IMPA1: variants seen among roughly 807,000 people sequenced by gnomAD.
The protein encoded by IMPA1 is D-galactose 1-phosphate phosphatase.
IMPA1 carries 21 observed loss-of-function variants against 34.9 expected under a neutral mutation model. That is an observed-to-expected ratio of 0.60 (90% CI 0.43 to 0.87). The LOEUF (loss-of-function observed/expected upper bound fraction) is 0.87. Among genes scored for constraint, IMPA1 ranks in the 40% least tolerant of loss-of-function variants. The probability of loss-of-function intolerance (pLI) is 0.00; values close to 1 mark genes in which losing one functional copy is unlikely to be tolerated. For synonymous variants in IMPA1, 95 were observed against 104.4 expected (o/e 0.91, Z 0.55); for missense variants, 299 against 336.4 (o/e 0.89, Z 0.87).
chr8:81,667,961 C>A (rs1563583103), intron 7 of IMPA1, among the ~76,000 whole-genome samples: 2 of 151,788 alleles, frequency 1.3e-5, no homozygotes, highest in African/African-American at 4.8e-5. Context: ...GTAGCTGGGA[C>A]TACAAGCGCC....
rs148501166 is a variant in IMPA1 at position 81,657,894 on chromosome 8, A to G, written c.*1457T>C. On this transcript the variant is annotated 3_prime_UTR_variant, in exon 9 of 9. Coordinates refer to ENST00000256108, the MANE Select transcript of IMPA1 (RefSeq NM_005536.4). ...CAGTCAGAGACAGACCCTGGGCAACAGAGCGAGACCCTGAATCTAAAAATA... is the reference window on the plus strand; with the variant it reads ...CAGTCAGAGACAGACCCTGGGCAACGGAGCGAGACCCTGAATCTAAAAATA... 1 of 152,280 alleles carries G rather than the reference A, an allele frequency of 6.6e-6. No homozygotes were observed. The highest frequency in any genetic ancestry group is 1.5e-5 in the Non-Finnish European group (1 of 68,024). 9.4% of individuals were successfully genotyped at this position (152,280 alleles called of 1,614,324 possible).
chr8:81,676,239 T>C lies in IMPA1; in HGVS notation c.343A>G (p.Lys115Glu), dbSNP rs761292046. 1.5e-6 allele frequency: 2 copies of C among 1,347,338 alleles called. No homozygotes were observed. The highest frequency in any genetic ancestry group is 1.0e-6 in the Non-Finnish European group (1 of 986,034). The allele number at this position is 1,347,338 out of a possible 1,614,324, so 83.5% of individuals were successfully genotyped here. A position where few individuals can be genotyped will look rare whatever the true frequency, so the allele number is the denominator to read the frequency against. Residue 115 changes from lysine (K) to glutamate (E), a missense_variant, in exon 5 of 9, where the codon AAA (lysine) becomes GAA (glutamate). Lys to Glu is a moderately conservative substitution (Grantham distance 56, BLOSUM62 1). Transcript: ENST00000256108. Reference protein sequence around the residue: ...VAVSIGFAVNKKIEFGVVYSC... With the variant: ...VAVSIGFAVNEKIEFGVVYSC... ...ATACGTTTAAAAAATCATACCTTTTTATTTACAGCAAAGCCAATTGAAACA... is the reference window on the plus strand; with the variant it reads ...ATACGTTTAAAAAATCATACCTTTTCATTTACAGCAAAGCCAATTGAAACA...
intron 1 of IMPA1, among the ~76,000 whole-genome samples, chr8:81,685,073 T>C (rs1197568544): frequency 1.5e-5 from 2 of 133,706 alleles, no homozygotes; most frequent in East Asian, 2.1e-4. Flanking sequence ...TATTTAGATA[T>C]ATATACTATA....
chr8:81,684,856 A>G (rs1010996564), intron 1 of IMPA1, among the ~76,000 whole-genome samples: 1 of 138,032 alleles, frequency 7.2e-6, no homozygotes, highest in Non-Finnish European at 1.5e-5. Context: ...TATATATACT[A>G]TACATAAGTA....
At chr8:81,677,165 A>G (rs181011845) in intron 4 of IMPA1, among the ~76,000 whole-genome samples, 4,003 of 151,658 alleles carry the variant, frequency 0.026, 88 homozygotes, top group East Asian at 0.087. Context: ...GCACGATCTC[A>G]GCCCACTGCA....
chr8:81,676,033 C>A (rs1006772195), intron 5 of IMPA1, among the ~76,000 whole-genome samples: 1 of 152,196 alleles, frequency 6.6e-6, no homozygotes, highest in Non-Finnish European at 1.5e-5. Flanking sequence ...TCTTACAACT[C>A]CTGCTTCTCA....
At chr8:81,682,133 G>A (rs1807318408) in intron 1 of IMPA1, among the ~76,000 whole-genome samples, 1 of 151,812 alleles carries the variant, frequency 6.6e-6, no homozygotes, top group Admixed American at 6.6e-5. Context: ...ATAACATTCT[G>A]AGAAAAGAAA....
At chr8:81,685,753 G>A (rs1170594762) in intron 1 of IMPA1, 8 of 1,504,950 alleles carry the variant, frequency 5.3e-6, no homozygotes, top group Non-Finnish European at 7.1e-6. Context: ...AGGGTCCGTA[G>A]TTTACTCACT....
intron 8 of IMPA1, among the ~76,000 whole-genome samples, chr8:81,660,156 T>A (rs1275537382): frequency 6.6e-6 from 1 of 152,226 alleles, no homozygotes; most frequent in African/African-American, 2.4e-5. Flanking sequence ...AAACTCATTA[T>A]GTTTTAAGAA....
At chr8:81,677,257 G>A (rs867811091) in intron 4 of IMPA1, among the ~76,000 whole-genome samples, 4 of 152,028 alleles carry the variant, frequency 2.6e-5, no homozygotes, top group African/African-American at 9.7e-5. Context: ...CACCATACCC[G>A]GCTAATTTTG....
chr8:81,671,831 A>C (rs545187486), intron 6 of IMPA1, among the ~76,000 whole-genome samples: 1 of 152,236 alleles, frequency 6.6e-6, no homozygotes, highest in South Asian at 2.1e-4. Context: ...CGGGAGGCGG[A>C]GGTTGCAGTG....
Position 81,659,110 on chromosome 8 carries a change from G to T in IMPA1, c.*241C>A. Reference sequence around the variant, plus strand: ...TCAGTTGATGTTATATTTATCAACTGTACTTCCTGGGTATGTTTCCTAAAG... The same window carrying T: ...TCAGTTGATGTTATATTTATCAACTTTACTTCCTGGGTATGTTTCCTAAAG... On this transcript the variant is annotated 3_prime_UTR_variant, in exon 9 of 9. Coordinates refer to ENST00000256108, the MANE Select transcript of IMPA1 (RefSeq NM_005536.4). 2.0e-6 allele frequency: 1 copy of T among 493,174 alleles called. No individual in the cohort carries two copies. The highest frequency in any genetic ancestry group is 3.6e-6 in the Non-Finnish European group (1 of 279,034). The allele number at this position is 493,174 out of a possible 1,614,324, so 30.5% of individuals were successfully genotyped here.
rs114960005 is a variant in IMPA1, at chr8:81,676,845, T to C, written c.303-566A>G. The stretch of plus-strand genomic sequence containing the variant: ...TTCTACAAAAAAAAAGTCACGAAAT[T>C]ATCTGAGTGTGGCGGTGCACGCCTA... On this transcript the variant is annotated intron_variant, in intron 4 of 8. Transcript: ENST00000256108. Among the ~76,000 whole-genome samples the C allele has an allele frequency of 8.5e-3, 1,290 of 151,938 alleles. 18 individuals carry two copies. Among genetic ancestry groups the C allele is most frequent in the African/African-American group, 0.029 (1,219 of 41,438 alleles).
chr8:81,680,982 A>C (rs553835226), intron 2 of IMPA1, among the ~76,000 whole-genome samples, 199 bp from the exon 3 acceptor site: 2 of 152,352 alleles, frequency 1.3e-5, no homozygotes, highest in East Asian at 3.9e-4. Context: ...ATAATCTTAC[A>C]TCTTATTTTA....
chr8:81,686,273 C>A lies in IMPA1; in HGVS notation c.-46G>T, dbSNP rs1807523878. On this transcript the variant is annotated 5_prime_UTR_variant, in exon 1 of 9. Transcript: ENST00000256108. ...TCACCTTGAGTCGGAGGACGTCCGG[C>A]TAGCTCTGTGAACGGTGTTACCGCA... is the stretch of plus-strand genomic sequence containing the variant. The A allele has an allele frequency of 2.0e-6, 2 of 999,746 alleles. No individual in the cohort carries two copies. The highest frequency in any genetic ancestry group is 8.5e-5 in the South Asian group (2 of 23,530). 61.9% of individuals were successfully genotyped at this position (999,746 alleles called of 1,614,324 possible). A position where few individuals can be genotyped will look rare whatever the true frequency, so the allele number is the denominator to read the frequency against.
intron 1 of IMPA1, 144 bp downstream of exon 1, chr8:81,686,108 A>T (rs1252338750): frequency 4.8e-6 from 4 of 835,292 alleles, no homozygotes; most frequent in Admixed American, 8.6e-5. Context: ...CGCAGCAGGC[A>T]GGGGTCACCC....
rs745791755 is a variant in IMPA1, at chr8:81,673,875, A to T, written c.423T>A (p.Cys141Ter). 1 of 1,612,762 alleles carries T rather than the reference A, an allele frequency of 6.2e-7. No homozygotes were observed. The highest frequency in any genetic ancestry group is 8.5e-7 in the Non-Finnish European group (1 of 1,178,854). Residue 141 changes from cysteine to a stop codon, truncating the protein, a stop_gained, in exon 6 of 9, where the codon TGT (cysteine) becomes TGA (stop). Coordinates refer to ENST00000256108, the MANE Select transcript of IMPA1 (RefSeq NM_005536.4). LOFTEE classifies it high-confidence loss of function. ...YTARKGKGAFCNGQKLQVSQQ... is the reference protein window; with the variant it reads ...YTARKGKGAF ...GTGAAACTTGTAGTTTTTGACCATT[A>T]CAAAAGGCACCTTTTCCTTTTCTGG...
intron 7 of IMPA1, among the ~76,000 whole-genome samples, chr8:81,667,627 G>A (rs953110479): frequency 2.6e-5 from 4 of 152,124 alleles, no homozygotes; most frequent in African/African-American, 9.7e-5. Flanking sequence ...GGGCTTAGAA[G>A]ACAAGGCCAG....
chr8:81,685,361 A>T (rs1280850976), intron 1 of IMPA1, among the ~76,000 whole-genome samples: 1 of 137,898 alleles, frequency 7.3e-6, no homozygotes, highest in African/African-American at 2.7e-5. Flanking sequence ...GTATATATGT[A>T]AGTATATTTA....
Sources: gnomAD v4.1 joint callset for allele counts (sites outside exome capture counted in the v4.1 genomes callset) on GRCh38, gnomAD v4.1.1 for gene constraint, MANE v1.5 for transcripts, NCBI Gene and HGNC (gene_info 2026-07-23, HGNC 2026-07-21) for gene names.